TRPM8: variants seen among roughly 807,000 people sequenced by gnomAD.
The protein encoded by TRPM8 is transient receptor potential cation channel subfamily M member 8, also known as TRPM8 cationic channel.
Under a neutral mutation model 133.7 loss-of-function variants are expected in TRPM8, and 110 were observed. The observed-to-expected ratio is 0.82, with a 90% CI of 0.70 to 0.96. The LOEUF is 0.96. TRPM8 is among the 40% of genes least tolerant of loss of function. The pLI is 0.00. For missense variants in TRPM8, 1,291 were observed against 1,379.5 expected, an observed-to-expected ratio of 0.94 and a Z score of 1.02; for synonymous variants, 535 against 532.3, an observed-to-expected ratio of 1.01 and a Z score of -0.07.
intron 3 of TRPM8, among the ~76,000 whole-genome samples, chr2:233,931,170 C>A (rs1162864173): frequency 1.3e-5 from 2 of 152,128 alleles, no homozygotes. Flanking sequence ...TGTTCATCTG[C>A]TCTAAGTCTC....
chr2:233,944,130 G>A (rs1446113876), intron 6 of TRPM8, among the ~76,000 whole-genome samples: 1 of 152,118 alleles, frequency 6.6e-6, no homozygotes, highest in Non-Finnish European at 1.5e-5. Context: ...AACCTGTATT[G>A]TTATGGGACT....
chr2:234,003,667 A>G (rs1304830810), intron 22 of TRPM8, among the ~76,000 whole-genome samples: 4 of 152,218 alleles, frequency 2.6e-5, no homozygotes, highest in Non-Finnish European at 5.9e-5. Flanking sequence ...TTTCTGAATG[A>G]TTCAGGGGAG....
At chr2:233,980,374 T>A in intron 18 of TRPM8, 95 bp downstream of exon 18, 1 of 774,144 alleles carries the variant, frequency 1.3e-6, no homozygotes, top group Non-Finnish European at 2.0e-6. Flanking sequence ...GGAAGTCTAT[T>A]ACTCATTAGA....
intron 21 of TRPM8, 34 bp from the exon 22 acceptor site, chr2:233,996,292 T>C: frequency 6.2e-7 from 1 of 1,605,520 alleles, no homozygotes. Context: ...GCATGCGCAA[T>C]GCTAAGTCTT....
intron 6 of TRPM8, among the ~76,000 whole-genome samples, chr2:233,945,191 T>C (rs1215454102): frequency 1.3e-5 from 2 of 152,246 alleles, no homozygotes; most frequent in African/African-American, 2.4e-5. Flanking sequence ...GCAACGCTGA[T>C]ACTTTAAAAC....
chr2:233,934,072 G>A (rs926084340), intron 3 of TRPM8: 1 of 166,756 alleles, frequency 6.0e-6, no homozygotes, highest in African/African-American at 2.4e-5. Flanking sequence ...TCCATACTGT[G>A]TGGTAATTAA....
At chr2:233,972,052 G>T (rs1374236782) in intron 17 of TRPM8, among the ~76,000 whole-genome samples, 1 of 152,170 alleles carries the variant, frequency 6.6e-6, no homozygotes, top group Admixed American at 6.5e-5. Flanking sequence ...GGTTCTCCAA[G>T]GCCCCACCAG....
At chr2:233,980,425 CACCTTGGT>C in intron 18 of TRPM8, 146 bp downstream of exon 18, 1 of 544,676 alleles carries the variant, frequency 1.8e-6, no homozygotes, top group Non-Finnish European at 3.1e-6. Context: ...TATAGAGATA[CACCTTGGT>C]TGTCGTGAAG....
intron 24 of TRPM8, among the ~76,000 whole-genome samples, chr2:234,009,007 C>T (rs1692765358): frequency 6.6e-6 from 1 of 152,188 alleles, no homozygotes; most frequent in South Asian, 2.1e-4. Flanking sequence ...AAATGAGGGG[C>T]AGCATGAACC....
At chr2:233,923,094 C>T (rs1360165489) in intron 1 of TRPM8, among the ~76,000 whole-genome samples, 1 of 152,114 alleles carries the variant, frequency 6.6e-6, no homozygotes, top group Non-Finnish European at 1.5e-5. Flanking sequence ...TGGTCTCGAT[C>T]TCCTGGCCTC....
In TRPM8 at chr2:233,947,216, T is replaced by G. The variant is rs931356850; in HGVS notation, c.942+61T>G. Reference sequence around the variant, plus strand: ...ATAAGCCTATCCAACAAATTTGTATTTTCAAGGATTTGGGCTCATCTAATC... The same window carrying G: ...ATAAGCCTATCCAACAAATTTGTATGTTCAAGGATTTGGGCTCATCTAATC... On this transcript the variant is annotated intron_variant, in intron 8 of 25. Coordinates refer to ENST00000324695, the MANE Select transcript of TRPM8 (RefSeq NM_024080.5). 1.2e-5 allele frequency: 20 copies of G among 1,603,300 alleles called. No individual in the cohort carries two copies. In the Admixed American group the frequency reaches 3.4e-4, roughly 27 times the overall value.
At position 233,939,192 on chromosome 2, in the gene TRPM8, C is replaced by A. The variant is rs1690842159; in HGVS notation, c.526+17C>A. ...AGTCCAAAGGTGAGGGTGGGAGCAG[C>A]GACCGCGGGTTCTTCCATTCGGGCT... On this transcript the variant is annotated intron_variant, in intron 5 of 25. Transcript: ENST00000324695. The A allele has an allele frequency of 6.2e-7, 1 of 1,610,970 alleles. No individual in the cohort carries two copies. Among genetic ancestry groups the A allele is most frequent in the Non-Finnish European group, 8.5e-7 (1 of 1,178,132 alleles).
intron 2 of TRPM8, among the ~76,000 whole-genome samples, chr2:233,927,074 T>C (rs904670679): frequency 2.5e-4 from 38 of 152,208 alleles, no homozygotes; most frequent in African/African-American, 8.9e-4. Context: ...GACACTGGGC[T>C]GAGTTCCCTC....
chr2:233,994,768 G>A (rs143558212), intron 21 of TRPM8, among the ~76,000 whole-genome samples: 280 of 152,224 alleles, frequency 1.8e-3, no homozygotes, highest in Non-Finnish European at 3.4e-3. Context: ...ATATGTAATC[G>A]ATTTTTCTGC....
rs565990145 is a variant in TRPM8, at chr2:233,995,117, G to T, written c.2940-1209G>T. ...AAATAGACGTGGGGCTGGATTGCGG[G>T]GTCCAAATCCCGAATTCAACACTTC... On this transcript the variant is annotated intron_variant, in intron 21 of 25. Transcript: ENST00000324695. Among the ~76,000 whole-genome samples the T allele has an allele frequency of 3.3e-5, 5 of 152,224 alleles. No homozygotes were observed. The South Asian group carries it at 1.0e-3, about 32-fold the overall frequency.
intron 25 of TRPM8, among the ~76,000 whole-genome samples, chr2:234,015,711 C>T (rs1692940915): frequency 6.6e-6 from 1 of 152,168 alleles, no homozygotes; most frequent in Admixed American, 6.5e-5. Context: ...AAGACTGATG[C>T]ACATTTGATG....
At chr2:233,997,354 C>T (rs1692434485) in intron 22 of TRPM8, among the ~76,000 whole-genome samples, 1 of 152,170 alleles carries the variant, frequency 6.6e-6, no homozygotes, top group African/African-American at 2.4e-5. Flanking sequence ...AGGTGAGACT[C>T]CTCCTCCCTG....
intron 11 of TRPM8, among the ~76,000 whole-genome samples, chr2:233,959,934 AC>A (rs1013303796): frequency 2.1e-5 from 3 of 145,104 alleles, no homozygotes; most frequent in Admixed American, 6.8e-5. Flanking sequence ...GGTGCGTGCC[AC>A]CACACCTAAT....
rs536388279 is a variant in TRPM8 at position 233,977,300 on chromosome 2, T to C, written c.2356-2888T>C. Among the ~76,000 whole-genome samples the C allele has an allele frequency of 8.5e-5, 13 of 152,326 alleles. No homozygotes were observed. In the South Asian group the frequency reaches 1.2e-3, roughly 15 times the overall value. On this transcript the variant is annotated intron_variant, in intron 17 of 25. Coordinates refer to ENST00000324695, the MANE Select transcript of TRPM8 (RefSeq NM_024080.5). Reference sequence around the variant, plus strand: ...TTGAATCTCCAAATCCTGACAGATATGATGAAATAGTGTCCTGGGATTTTA... The same window carrying C: ...TTGAATCTCCAAATCCTGACAGATACGATGAAATAGTGTCCTGGGATTTTA...
Sources: allele counts gnomAD v4.1 joint callset (sites outside exome capture counted in the v4.1 genomes callset), GRCh38; gene constraint gnomAD v4.1.1; transcripts MANE v1.5; gene names NCBI Gene and HGNC (gene_info 2026-07-23, HGNC 2026-07-21).